Variants in SMPD4 observed in about 807,000 individuals in gnomAD.
The protein encoded by SMPD4 is neutral sphingomyelinase 3.
A neutral mutation model predicts 97.8 loss-of-function variants in SMPD4; 58 were observed. The ratio of observed to expected loss-of-function variants is 0.59; its 90% CI spans 0.48 to 0.74. The LOEUF (loss-of-function observed/expected upper bound fraction) is 0.74. Ranked by LOEUF, SMPD4 falls within the 30% of genes least tolerant of loss-of-function variation. The pLI is 0.00. For synonymous variants in SMPD4, 388 were observed against 450.0 expected (o/e 0.86, Z 1.74); for missense variants, 853 against 1,080.5 (o/e 0.79, Z 2.95).
At chr2:130,157,526 A>G (rs1056139273) in intron 11 of SMPD4, 130 bp from the exon 12 acceptor site, 11 of 1,502,266 alleles carry the variant, frequency 7.3e-6, no homozygotes, top group African/African-American at 6.9e-5. Flanking sequence ...GAGCCAGGCC[A>G]GGAGTGGGGC....
At chr2:130,161,735 A>G (rs13411684) in intron 10 of SMPD4, among the ~76,000 whole-genome samples, 67,162 of 152,058 alleles carry the variant, frequency 0.44, 15,535 homozygotes, top group African/African-American at 0.58. Flanking sequence ...CAGGGCCCTC[A>G]CTGGGACATG....
At position 130,152,698 on chromosome 2, in the gene SMPD4, C is replaced by A. The variant is rs1228974334; in HGVS notation, c.2341G>T (p.Val781Phe). 1 of 1,575,432 alleles carries A rather than the reference C, an allele frequency of 6.3e-7. No individual in the cohort carries two copies. The highest frequency in any genetic ancestry group is 8.6e-7 in the Non-Finnish European group (1 of 1,161,894). Reference protein sequence around the residue: ...LRFLGSYRTLVSLLLAFFVAS... With the variant: ...LRFLGSYRTLFSLLLAFFVAS... ...ACGAAGAAGGCCAGCAGCAGCGAGA[C>A]CAGCGTCCGGTAACTGCCCAGGAAG... The change falls in exon 20 of 20, where the codon GTC becomes TTC. Residue 781 changes from valine to phenylalanine, a missense_variant. This residue lies in a region of SMPD4 where 511 missense variants were observed against 608.1 expected (regional missense o/e 0.84). Coordinates refer to ENST00000680298, the MANE Select transcript of SMPD4 (RefSeq NM_017951.5).
At position 130,167,450 on chromosome 2, in the gene SMPD4, A is replaced by C. The variant is rs773419275; in HGVS notation, c.792+8T>G. On this transcript the variant is annotated splice_region_variant and intron_variant, in intron 9 of 19. Transcript: ENST00000680298. ...TGAACAGTTTCTTTTGACCAGCTCA[A>C]CTCTCACCTGGAGCAGAGTTTCTGA... 8.7e-6 allele frequency: 14 copies of C among 1,612,118 alleles called. No individual in the cohort carries two copies. The highest frequency in any genetic ancestry group is 1.7e-5 in the Admixed American group (1 of 59,908).
Position 130,153,856 on chromosome 2 carries a change from G to A in SMPD4, c.1739C>T (p.Ala580Val), listed in dbSNP as rs767011089. 1.2e-6 allele frequency: 2 copies of A among 1,613,946 alleles called. No individual in the cohort carries two copies. Among genetic ancestry groups the A allele is most frequent in the Non-Finnish European group, 1.7e-6 (2 of 1,179,876 alleles). Residue 580 changes from alanine (A) to valine (V), a missense_variant, in exon 17 of 20, where the codon GCT (alanine) becomes GTT (valine). Physicochemically the swap from Ala to Val is moderately conservative, Grantham distance 64. This residue lies in a region of SMPD4 where 511 missense variants were observed against 608.1 expected (regional missense o/e 0.84). Transcript: ENST00000680298. Reference protein sequence around the residue: ...SISDQCAESPAGHSFLSWLGF... With the variant: ...SISDQCAESPVGHSFLSWLGF... ...CAGCCATGAGAGGAAGGAGTGGCCA[G>A]CCGGGCTCTCCGCACACTGGTCGGA... is the stretch of plus-strand genomic sequence containing the variant.
chr2:130,157,507 G>C, intron 11 of SMPD4, 111 bp from the exon 12 acceptor site: 2 of 1,531,754 alleles, frequency 1.3e-6, no homozygotes, highest in Non-Finnish European at 1.8e-6. Flanking sequence ...CTGCCCCCAC[G>C]GGAGGCATGA....
chr2:130,175,257 A>G (rs1369528707), intron 2 of SMPD4, among the ~76,000 whole-genome samples: 1 of 152,208 alleles, frequency 6.6e-6, no homozygotes, highest in African/African-American at 2.4e-5. Flanking sequence ...GCACATGATC[A>G]GAACAGGATT....
In SMPD4 at chr2:130,161,106, G is replaced by C. The variant is rs544243774; in HGVS notation, c.951+80C>G. 2.6e-4 allele frequency: 360 copies of C among 1,378,640 alleles called. 10 individuals carry two copies. The South Asian group carries it at 4.3e-3, about 16-fold the overall frequency. The allele number at this position is 1,378,640 out of a possible 1,614,324, so 85.4% of individuals were successfully genotyped here. On this transcript the variant is annotated intron_variant, in intron 11 of 19. Transcript: ENST00000680298. Reference sequence around the variant, plus strand: ...TGGAACTAGCCTCTGAGTCACCAGCGGCCGGCCCCGGCGGCCCCTTGCTTT... The same window carrying C: ...TGGAACTAGCCTCTGAGTCACCAGCCGCCGGCCCCGGCGGCCCCTTGCTTT...
intron 1 of SMPD4, among the ~76,000 whole-genome samples, chr2:130,179,948 C>T (rs998513163): frequency 1.3e-5 from 2 of 150,590 alleles, no homozygotes; most frequent in African/African-American, 2.4e-5. Flanking sequence ...TCACCATGCC[C>T]GGCCGCTTTT....
In SMPD4 at chr2:130,157,258, ACTC is replaced by A; in HGVS notation, c.1087_1089del (p.Glu363del). On this transcript the variant is annotated inframe_deletion, in exon 12 of 20. Coordinates refer to ENST00000680298, the MANE Select transcript of SMPD4 (RefSeq NM_017951.5). ...GCCGCAAGGGCCACCCACCGTTTGA[ACTC>A]CTCCAGGGGGCTGGTGGCGTGGGAG... 1 of 1,543,296 alleles carries A rather than the reference ACTC, an allele frequency of 6.5e-7. No homozygotes were observed. The highest frequency in any genetic ancestry group is 1.2e-5 in the South Asian group (1 of 82,814).
rs202143961 is a variant in SMPD4 at position 130,156,044 on chromosome 2, G to A, written c.1280C>T (p.Ser427Leu). The A allele has an allele frequency of 1.2e-5, 19 of 1,611,312 alleles. No individual in the cohort carries two copies. Among genetic ancestry groups the A allele is most frequent in the East Asian group, 8.9e-5 (4 of 44,852 alleles). ...PGSDSQPRCV[S>L]EKWAPFVQEN... ...AGGAGCTGAGGCTCACCATTTCTCC[G>A]ACACACACCGGGGCTGGGAGTCGCT... The change falls in exon 14 of 20, where the codon TCG becomes TTG. Residue 427 changes from serine (S) to leucine (L), a missense_variant. Physicochemically the swap from Ser to Leu is moderately radical, Grantham distance 145. Transcript: ENST00000680298.
chr2:130,181,477 G>T lies in SMPD4; in HGVS notation c.-46+53C>A. On this transcript the variant is annotated intron_variant, in intron 1 of 19. Coordinates refer to ENST00000680298, the MANE Select transcript of SMPD4 (RefSeq NM_017951.5). ...CGGAGATGGCCTCCGCAGGGGCTCG[G>T]GGAAGCCCCCAGGGCGCCGGACCGT... is the stretch of plus-strand genomic sequence containing the variant. 4 of 1,557,622 alleles carry T rather than the reference G, an allele frequency of 2.6e-6. No individual in the cohort carries two copies. In the South Asian group the frequency reaches 3.5e-5, roughly 14 times the overall value.
chr2:130,156,225 G>T, intron 13 of SMPD4, 90 bp from the exon 14 acceptor site: 1 of 1,127,118 alleles, frequency 8.9e-7, no homozygotes, highest in Non-Finnish European at 1.3e-6. Context: ...AGCTGGGTGG[G>T]ACTGACTCTT....
intron 1 of SMPD4, among the ~76,000 whole-genome samples, chr2:130,179,367 T>C (rs1361909449): frequency 3.3e-5 from 5 of 151,958 alleles, no homozygotes; most frequent in Admixed American, 3.3e-4. Flanking sequence ...GTGATCCGCC[T>C]GCCTCGGCCT....
chr2:130,159,306 T>G (rs1052953793), intron 11 of SMPD4, among the ~76,000 whole-genome samples: 1 of 152,100 alleles, frequency 6.6e-6, no homozygotes, highest in African/African-American at 2.4e-5. Context: ...TTTTTCTCTA[T>G]CTGTATTGTT....
chr2:130,152,943 G>C, intron 19 of SMPD4, 59 bp from the exon 20 acceptor site: 1 of 1,557,826 alleles, frequency 6.4e-7, no homozygotes, highest in South Asian at 1.2e-5. Context: ...CCTCAGGACA[G>C]CAGTACCCCA....
intron 1 of SMPD4, among the ~76,000 whole-genome samples, chr2:130,180,890 C>T (rs529072327): frequency 1.4e-4 from 22 of 152,348 alleles, no homozygotes; most frequent in Admixed American, 1.2e-3. Context: ...CACCCTCCCC[C>T]GTCACAGGTC....
At chr2:130,153,021 GC>G (rs765234023) in intron 19 of SMPD4, 21 bp downstream of exon 19, 2 of 1,604,158 alleles carry the variant, frequency 1.2e-6, no homozygotes, top group Non-Finnish European at 1.7e-6. Flanking sequence ...AAGACGCCAG[GC>G]CAGCCCTCCT....
intron 9 of SMPD4, among the ~76,000 whole-genome samples, chr2:130,165,155 TCA>T (rs1230461355): frequency 4.4e-5 from 6 of 135,996 alleles, no homozygotes; most frequent in Non-Finnish European, 7.7e-5. Flanking sequence ...GCACAGTGGC[TCA>T]CACCTGTAAT....
At chr2:130,164,591 C>T in intron 9 of SMPD4, 146 bp from the exon 10 acceptor site, 1 of 643,076 alleles carries the variant, frequency 1.6e-6, no homozygotes, top group Non-Finnish European at 2.7e-6. Flanking sequence ...TCCTTCACAC[C>T]ATCACCAAAA....
Sources: allele counts gnomAD v4.1 joint callset (sites outside exome capture counted in the v4.1 genomes callset), GRCh38; gene constraint gnomAD v4.1.1; regional missense constraint gnomAD v4.1.1; transcripts MANE v1.5; gene names NCBI Gene and HGNC (gene_info 2026-07-23, HGNC 2026-07-21).